Variants in UBE3A observed in about 807,000 individuals in gnomAD.
UBE3A encodes the protein ubiquitin protein ligase E3A.
In UBE3A, 6 loss-of-function variants were observed where a neutral mutation model predicts 83.4. The observed-to-expected ratio is 0.07, with a 90% CI of 0.04 to 0.14. UBE3A has a LOEUF of 0.14. Among genes scored for constraint, UBE3A ranks in the 10% least tolerant of loss-of-function variants. The pLI is 1.00. For missense variants in UBE3A, 456 were observed against 1,036.1 expected, an observed-to-expected ratio of 0.44 and a Z score of 7.69; for synonymous variants, 337 against 355.4, an observed-to-expected ratio of 0.95 and a Z score of 0.58.
chr15:25,380,337 A>G (rs897465250), intron 4 of UBE3A, among the ~76,000 whole-genome samples: 1 of 152,106 alleles, frequency 6.6e-6, no homozygotes, highest in Non-Finnish European at 1.5e-5. Context: ...TCATACTACA[A>G]TGGCAGAGTT....
intron 11 of UBE3A, among the ~76,000 whole-genome samples, chr15:25,347,567 GCATGTGCCTGTAGTCCCAGCTAC>G (rs2075877311): frequency 6.6e-6 from 1 of 152,144 alleles, no homozygotes; most frequent in African/African-American, 2.4e-5. Context: ...AGGTGTGGTG[GCATGTGCCTGTAGTCCCAGCTAC>G]CCAGGAGGCT....
intron 11 of UBE3A, 81 bp downstream of exon 11, chr15:25,354,272 T>C: frequency 8.1e-7 from 1 of 1,232,046 alleles, no homozygotes; most frequent in Non-Finnish European, 1.2e-6. Context: ...TGGGAATTAG[T>C]ACCTAGAGAT....
intron 1 of UBE3A, among the ~76,000 whole-genome samples, chr15:25,427,341 G>A (rs1261045791): frequency 6.6e-6 from 1 of 151,830 alleles, no homozygotes; most frequent in Non-Finnish European, 1.5e-5. Flanking sequence ...TAATATTTAG[G>A]TTGAGCCCTA....
intron 6 of UBE3A, among the ~76,000 whole-genome samples, chr15:25,363,266 A>C (rs1472359432): frequency 6.6e-6 from 1 of 152,204 alleles, no homozygotes; most frequent in Non-Finnish European, 1.5e-5. Context: ...TAACCATAAT[A>C]ATATAGTAAT....
intron 11 of UBE3A, 44 bp from the exon 12 acceptor site, chr15:25,340,272 TA>T: frequency 6.3e-7 from 1 of 1,591,486 alleles, no homozygotes; most frequent in Non-Finnish European, 8.6e-7. Flanking sequence ...TGGCATTCAT[TA>T]TGACTGGTAC....
At chr15:25,357,724 C>T (rs1368094635) in intron 7 of UBE3A, 1 of 152,082 alleles carries the variant, frequency 6.6e-6, no homozygotes, top group Non-Finnish European at 1.5e-5. Flanking sequence ...ATTTTTCTAG[C>T]ATTTTCCTAA....
At chr15:25,405,563 A>T (rs2088315799) in intron 3 of UBE3A, 61 bp from the exon 4 acceptor site, 1 of 1,556,406 alleles carries the variant, frequency 6.4e-7, no homozygotes, top group East Asian at 2.2e-5. Context: ...AAAAAGGTAG[A>T]CATATTACTT....
At chr15:25,412,352 G>A (rs1161806015) in intron 1 of UBE3A, among the ~76,000 whole-genome samples, 2 of 152,000 alleles carry the variant, frequency 1.3e-5, no homozygotes, top group Admixed American at 6.6e-5. Context: ...GCTAAGCATC[G>A]GCTATGTTAG....
At chr15:25,366,308 G>A (rs2079094522) in intron 6 of UBE3A, among the ~76,000 whole-genome samples, 1 of 152,156 alleles carries the variant, frequency 6.6e-6, no homozygotes, top group South Asian at 2.1e-4. Flanking sequence ...CATTTTTAAA[G>A]CTCTGTGAGT....
intron 6 of UBE3A, among the ~76,000 whole-genome samples, chr15:25,366,798 C>A (rs1217150882): frequency 6.6e-6 from 1 of 152,072 alleles, no homozygotes; most frequent in Non-Finnish European, 1.5e-5. Context: ...CACACCCCCA[C>A]CTGAGCTGAA....
chr15:25,417,196 G>A (rs991503379), intron 1 of UBE3A, among the ~76,000 whole-genome samples: 6 of 152,170 alleles, frequency 3.9e-5, no homozygotes, highest in South Asian at 4.2e-4. Context: ...AAGAGAACAC[G>A]GTGACACTGG....
chr15:25,354,321 C>G (rs1384637195), intron 11 of UBE3A, 32 bp downstream of exon 11: 1 of 1,605,632 alleles, frequency 6.2e-7, no homozygotes, highest in East Asian at 2.2e-5. Context: ...TTTGGTGAAT[C>G]AAATCTTCCT....
chr15:25,409,905 G>A (rs753292046), intron 2 of UBE3A, among the ~76,000 whole-genome samples: 10 of 151,066 alleles, frequency 6.6e-5, no homozygotes, highest in Non-Finnish European at 1.3e-4. Flanking sequence ...TTTAACATCA[G>A]TCACCGCATG....
At chr15:25,344,369 C>A (rs1225654419) in intron 11 of UBE3A, among the ~76,000 whole-genome samples, 1 of 152,104 alleles carries the variant, frequency 6.6e-6, no homozygotes, top group Non-Finnish European at 1.5e-5. Flanking sequence ...ATAAGGCCTA[C>A]AAGCAGTAAC....
chr15:25,360,246 A>ATG, intron 7 of UBE3A, 137 bp downstream of exon 7: 2 of 1,077,300 alleles, frequency 1.9e-6, no homozygotes, highest in Non-Finnish European at 2.7e-6. Flanking sequence ...TTCAGTCATG[A>ATG]TGTGTGATTC....
chr15:25,361,252 A>G (rs921126486), intron 6 of UBE3A, among the ~76,000 whole-genome samples: 2 of 151,524 alleles, frequency 1.3e-5, no homozygotes, highest in Non-Finnish European at 2.9e-5. Context: ...CAGCCTCCTG[A>G]GTAGCTGGGA....
chr15:25,415,222 T>G (rs1313740561), intron 1 of UBE3A, among the ~76,000 whole-genome samples: 2 of 152,202 alleles, frequency 1.3e-5, no homozygotes, highest in African/African-American at 4.8e-5. Flanking sequence ...ATCCTCAACT[T>G]TGCCACTAGA....
Position 25,334,828 on chromosome 15 carries a change from GCAGATGGATATA to G in UBE3A, c.*4297_*4308del, listed in dbSNP as rs1156414013. 1 of 152,152 alleles carries G rather than the reference GCAGATGGATATA, an allele frequency of 6.6e-6. No homozygotes were observed. Among genetic ancestry groups the G allele is most frequent in the East Asian group, 1.9e-4 (1 of 5,200 alleles). 9.4% of individuals were successfully genotyped at this position (152,152 alleles called of 1,614,324 possible). A position where few individuals can be genotyped will look rare whatever the true frequency, so the allele number is the denominator to read the frequency against. ...AGTCTTTTCAACAACTGGTGCTTGG[GCAGATGGATATA>G]CAGATACCAATGCACTTATGCAAAA... On this transcript the variant is annotated 3_prime_UTR_variant, in exon 13 of 13. Transcript: ENST00000648336.
chr15:25,381,438 G>T (rs1196275602), intron 4 of UBE3A, among the ~76,000 whole-genome samples: 1 of 151,986 alleles, frequency 6.6e-6, no homozygotes, highest in Non-Finnish European at 1.5e-5. Flanking sequence ...AAAGAAACAT[G>T]AACTGTGAGA....
Sources: allele counts gnomAD v4.1 joint callset (sites outside exome capture counted in the v4.1 genomes callset), GRCh38; gene constraint gnomAD v4.1.1; transcripts MANE v1.5; gene names NCBI Gene and HGNC (gene_info 2026-07-23, HGNC 2026-07-21).